Variants in RARB observed in about 807,000 individuals in gnomAD.
RARB encodes the protein HBV-activated protein.
A neutral mutation model predicts 51.9 loss-of-function variants in RARB; 17 were observed. The observed-to-expected ratio is 0.33, with a 90% CI of 0.22 to 0.49. RARB has a LOEUF of 0.49. Among genes scored for constraint, RARB ranks in the 20% least tolerant of loss-of-function variants. The probability of loss-of-function intolerance (pLI) is 0.99; values close to 1 mark genes in which losing one functional copy is unlikely to be tolerated. For missense variants in RARB, 369 were observed against 550.8 expected (o/e 0.67, Z 3.30); for synonymous variants, 215 against 195.4 (o/e 1.10, Z -0.84).
intron 5 of RARB, among the ~76,000 whole-genome samples, chr3:25,322,030 GACC>G (rs1380227483): frequency 6.6e-6 from 1 of 151,920 alleles, no homozygotes; most frequent in Non-Finnish European, 1.5e-5. Context: ...CAGAAGGAAA[GACC>G]ACCTTTCCAT....
chr3:25,383,980 A>T, intron 5 of RARB, among the ~76,000 whole-genome samples: 1 of 152,226 alleles, frequency 6.6e-6, no homozygotes, highest in East Asian at 1.9e-4. Flanking sequence ...CAACATGTAC[A>T]TAGGTATTAG....
intron 5 of RARB, among the ~76,000 whole-genome samples, chr3:25,392,448 G>C (rs1490483351): frequency 6.6e-6 from 1 of 151,890 alleles, no homozygotes; most frequent in Non-Finnish European, 1.5e-5. Context: ...TATTTTGATG[G>C]GATTTACATT....
intron 3 of RARB, among the ~76,000 whole-genome samples, chr3:25,113,526 G>A (rs1172642605): frequency 6.6e-6 from 1 of 152,130 alleles, no homozygotes; most frequent in East Asian, 1.9e-4. Flanking sequence ...TTCATAGAAA[G>A]AGAAAAATTG....
At chr3:25,239,835 T>C in intron 5 of RARB, among the ~76,000 whole-genome samples, 1 of 152,138 alleles carries the variant, frequency 6.6e-6, no homozygotes, top group East Asian at 1.9e-4. Context: ...AAAATTACAT[T>C]GGTATTTTGA....
intron 2 of RARB, among the ~76,000 whole-genome samples, chr3:24,906,888 A>ATAT (rs1694879698): frequency 6.6e-6 from 1 of 151,374 alleles, no homozygotes; most frequent in Admixed American, 6.6e-5. Flanking sequence ...CCCACTAATC[A>ATAT]TATGAGTCAA....
upstream of RARB, among the ~76,000 whole-genome samples, chr3:25,427,831 AACAG>A (rs777161028): frequency 9.2e-5 from 14 of 152,308 alleles, no homozygotes; most frequent in Admixed American, 5.2e-4. Context: ...TAAGGAATTT[AACAG>A]ACAGAAAGGC....
At chr3:25,083,430 T>A (rs1030016813) in intron 3 of RARB, among the ~76,000 whole-genome samples, 2 of 90,174 alleles carry the variant, frequency 2.2e-5, no homozygotes, top group African/African-American at 1.0e-4. Context: ...TCTGCTAATG[T>A]TCATCCAGTG....
intron 5 of RARB, among the ~76,000 whole-genome samples, chr3:25,405,482 A>G (rs1707380811): frequency 6.6e-6 from 1 of 152,192 alleles, no homozygotes; most frequent in Non-Finnish European, 1.5e-5. Flanking sequence ...AAACTTACTT[A>G]AGAGAACTCC....
intron 3 of RARB, among the ~76,000 whole-genome samples, chr3:25,506,532 C>G (rs1697609856): frequency 6.6e-6 from 1 of 152,050 alleles, no homozygotes; most frequent in Non-Finnish European, 1.5e-5. Flanking sequence ...AGGAGGATCA[C>G]TTGAGCCTGG....
chr3:25,270,337 G>T (rs1703229307), intron 5 of RARB, among the ~76,000 whole-genome samples: 1 of 152,056 alleles, frequency 6.6e-6, no homozygotes, highest in South Asian at 2.1e-4. Flanking sequence ...ACTACAATAT[G>T]GTTGAACCTT....
At chr3:25,450,030 C>T (rs943570869) in intron 1 of RARB, among the ~76,000 whole-genome samples, 1 of 152,224 alleles carries the variant, frequency 6.6e-6, no homozygotes, top group African/African-American at 2.4e-5. Context: ...GGATTACAGG[C>T]TTAAGCCACT....
chr3:24,908,517 T>C (rs1450849490), intron 2 of RARB, among the ~76,000 whole-genome samples: 1 of 152,052 alleles, frequency 6.6e-6, no homozygotes, highest in Non-Finnish European at 1.5e-5. Flanking sequence ...TAGTTCAACA[T>C]AATGAACAAA....
At chr3:25,116,687 G>A (rs1198930357) in intron 3 of RARB, among the ~76,000 whole-genome samples, 1 of 151,922 alleles carries the variant, frequency 6.6e-6, no homozygotes, top group African/African-American at 2.4e-5. Flanking sequence ...TAAGTAAATG[G>A]TATCTTTGAA....
At chr3:25,162,805 T>G (rs1176611665) in intron 4 of RARB, among the ~76,000 whole-genome samples, 1 of 152,360 alleles carries the variant, frequency 6.6e-6, no homozygotes, top group African/African-American at 2.4e-5. Flanking sequence ...GATGGACCAC[T>G]TTTGTTTATT....
At chr3:25,249,379 C>A (rs1286881347) in intron 5 of RARB, among the ~76,000 whole-genome samples, 2 of 151,922 alleles carry the variant, frequency 1.3e-5, no homozygotes, top group African/African-American at 4.8e-5. Flanking sequence ...TCTCTTATAT[C>A]CCACTGAACT....
rs201694992 is a variant in RARB, at chr3:24,832,624, T to TC, written c.-459+3224dup. On this transcript the variant is annotated intron_variant, in intron 1 of 11. Coordinates refer to the RARB transcript ENST00000383772. ...TCCCCTGTATTTAGAAAAAATTGAG[T>TC]CCCAATATATATATATATATATATA... Among the ~76,000 whole-genome samples, 416 of 82,472 alleles carry TC rather than the reference T, an allele frequency of 5.0e-3. 14 individuals are homozygous for TC. The highest frequency in any genetic ancestry group is 0.046 in the East Asian group (154 of 3,358). 54.1% of individuals were successfully genotyped at this position (82,472 alleles called of 152,430 possible).
chr3:24,916,329 C>A (rs573040980), intron 2 of RARB, among the ~76,000 whole-genome samples: 6 of 152,066 alleles, frequency 3.9e-5, no homozygotes, highest in Non-Finnish European at 5.9e-5. Context: ...TTTCTTAAGG[C>A]CCCACAGAAG....
intron 3 of RARB, among the ~76,000 whole-genome samples, chr3:25,108,495 C>T (rs994656068): frequency 4.6e-5 from 7 of 152,054 alleles, no homozygotes; most frequent in South Asian, 2.1e-4. Flanking sequence ...AGATAAATAA[C>T]GGTGGGAGGT....
chr3:25,007,386 G>T (rs1031231015), intron 2 of RARB, among the ~76,000 whole-genome samples: 1 of 151,938 alleles, frequency 6.6e-6, no homozygotes, highest in Admixed American at 6.6e-5. Flanking sequence ...AGCACTTTAG[G>T]AGGCCGAGGT....
Sources: gnomAD v4.1 joint callset for allele counts (sites outside exome capture counted in the v4.1 genomes callset) on GRCh38, gnomAD v4.1.1 for gene constraint, MANE v1.5 for transcripts, NCBI Gene and HGNC (gene_info 2026-07-23, HGNC 2026-07-21) for gene names.